The following TENM1 variants were observed in gnomAD, a reference collection of about 807,000 sequenced individuals.
TENM1 encodes teneurin-1.
A neutral mutation model predicts 174.8 loss-of-function variants in TENM1; 35 were observed. The observed-to-expected ratio is 0.20, with a 90% CI of 0.15 to 0.27. The LOEUF is 0.27. Among genes scored for constraint, TENM1 ranks in the 10% least tolerant of loss-of-function variants. TENM1 has a pLI of 1.00. For synonymous variants in TENM1, 781 were observed against 798.7 expected, an observed-to-expected ratio of 0.98 and a Z score of 0.37; for missense variants, 1,633 against 2,130.1, an observed-to-expected ratio of 0.77 and a Z score of 4.59.
chrX:124,559,808 T>C (rs1317765318), intron 14 of TENM1, among the ~76,000 whole-genome samples: 1 of 111,972 alleles, frequency 8.9e-6, no homozygotes, highest in East Asian at 2.8e-4. Flanking sequence ...AATATAACTA[T>C]GGGCAATGGG....
chrX:124,979,213 T>G, the TENM1 span, among the ~76,000 whole-genome samples: 2 of 112,699 alleles, frequency 1.8e-5, no homozygotes, highest in South Asian at 7.2e-4. Flanking sequence ...TTACCCACAG[T>G]CCAATAGTTT....
chrX:124,705,888 G>GT (rs1304371269), intron 4 of TENM1, among the ~76,000 whole-genome samples: 2 of 110,049 alleles, frequency 1.8e-5, no homozygotes, highest in Non-Finnish European at 3.8e-5. Context: ...TTTTGTTTCT[G>GT]TTTCTGTTTG....
chrX:124,906,136 C>T (rs1366465614), intron 1 of TENM1, among the ~76,000 whole-genome samples: 1 of 111,756 alleles, frequency 8.9e-6, no homozygotes, highest in Non-Finnish European at 1.9e-5. Flanking sequence ...CTTAAATGTG[C>T]TCAGAACACT....
intron 3 of TENM1, among the ~76,000 whole-genome samples, chrX:124,846,774 A>G (rs968441506): frequency 2.7e-5 from 3 of 111,432 alleles, no homozygotes; most frequent in Non-Finnish European, 3.8e-5. Flanking sequence ...CTTCTTCCCC[A>G]CTGCATGACT....
chrX:124,529,036 C>G (rs968917639), intron 16 of TENM1, among the ~76,000 whole-genome samples: 2 of 111,224 alleles, frequency 1.8e-5, no homozygotes, highest in Admixed American at 9.6e-5. Flanking sequence ...TGATAAAGCT[C>G]GAAGCCAACA....
At chrX:124,899,478 C>T (rs761426965) in intron 1 of TENM1, among the ~76,000 whole-genome samples, 2 of 111,703 alleles carry the variant, frequency 1.8e-5, no homozygotes, top group East Asian at 5.6e-4. Flanking sequence ...CAGGTGTGAG[C>T]CACCACACCT....
chrX:124,955,420 CT>C (rs1459312276), intron 1 of TENM1, among the ~76,000 whole-genome samples: 1 of 72 alleles, frequency 0.014, no homozygotes, highest in African/African-American at 0.053. Context: ...GTGTTACTGT[CT>C]ATTATTTGAC....
chrX:124,829,861 G>A (rs1333418581), intron 3 of TENM1, among the ~76,000 whole-genome samples: 2 of 111,868 alleles, frequency 1.8e-5, no homozygotes, highest in Admixed American at 9.5e-5. Flanking sequence ...CCCTATCTAC[G>A]TCTACCCCAT....
At chrX:124,947,412 G>A (rs932534258) in intron 1 of TENM1, among the ~76,000 whole-genome samples, 2 of 111,950 alleles carry the variant, frequency 1.8e-5, no homozygotes. Context: ...TTAGTGTCCA[G>A]TAGACATATG....
At chrX:125,191,080 G>T in the TENM1 span, among the ~76,000 whole-genome samples, 2 of 110,848 alleles carry the variant, frequency 1.8e-5, no homozygotes, top group Non-Finnish European at 3.8e-5. Flanking sequence ...GAACATTTGG[G>T]TTCCTTCATA....
chrX:124,778,724 T>G (rs1434464365), intron 3 of TENM1, among the ~76,000 whole-genome samples: 4 of 111,976 alleles, frequency 3.6e-5, no homozygotes, highest in African/African-American at 1.3e-4. Context: ...AATTTTACAT[T>G]TTAATTCGTA....
chrX:124,762,330 A>G (rs1405835954), intron 3 of TENM1, among the ~76,000 whole-genome samples: 1 of 112,579 alleles, frequency 8.9e-6, no homozygotes, highest in Admixed American at 9.4e-5. Context: ...TAGATAATGT[A>G]TTAACACTAA....
chrX:124,564,093 T>C (rs1263512205), intron 12 of TENM1, among the ~76,000 whole-genome samples: 1 of 112,272 alleles, frequency 8.9e-6, no homozygotes, highest in Non-Finnish European at 1.9e-5. Flanking sequence ...CAACTTCTTA[T>C]TAGTAATATC....
intron 3 of TENM1, among the ~76,000 whole-genome samples, chrX:124,755,349 T>C (rs1429781994): frequency 9.0e-6 from 1 of 111,365 alleles, no homozygotes; most frequent in Admixed American, 9.5e-5. Context: ...TGGTAGATCT[T>C]CCTCCATCCT....
the TENM1 span, among the ~76,000 whole-genome samples, chrX:125,103,756 C>T: frequency 8.9e-6 from 1 of 112,223 alleles, no homozygotes; most frequent in Non-Finnish European, 1.9e-5. Context: ...GAGGCTGAAG[C>T]GGACAGGTCA....
intron 6 of TENM1, among the ~76,000 whole-genome samples, chrX:124,660,224 A>T (rs999886187): frequency 2.7e-5 from 3 of 109,832 alleles, no homozygotes; most frequent in Non-Finnish European, 5.7e-5. Flanking sequence ...AAATAGAAAA[A>T]ATTAGCCAGG....
upstream of TENM1, among the ~76,000 whole-genome samples, chrX:124,964,122 G>A (rs956540750): frequency 8.9e-6 from 1 of 112,277 alleles, no homozygotes; most frequent in African/African-American, 3.2e-5. Flanking sequence ...TGGTGTGTGC[G>A]TGTTTTTAAT....
Position 124,722,254 on chromosome X carries a change from T to C in TENM1, c.776+14703A>G, listed in dbSNP as rs1458722490. On this transcript the variant is annotated intron_variant, in intron 4 of 31. Transcript: ENST00000422452. ...TGATAGTTTGAATTGGAAATAGTCA[T>C]GTTAGCATCTATGCTGTCAATGCAA... Among the ~76,000 whole-genome samples, 3 of 112,308 alleles carry C rather than the reference T, an allele frequency of 2.7e-5. No individual in the cohort carries two copies. The Admixed American group carries it at 2.8e-4, about 11-fold the overall frequency.
intron 8 of TENM1, among the ~76,000 whole-genome samples, chrX:124,649,390 G>C (rs909550405): frequency 3.6e-5 from 4 of 112,305 alleles, no homozygotes; most frequent in African/African-American, 1.3e-4. Flanking sequence ...AGACATACTG[G>C]TTCTCAAATT....
Sources: allele counts gnomAD v4.1 joint callset (sites outside exome capture counted in the v4.1 genomes callset), GRCh38; gene constraint gnomAD v4.1.1; transcripts MANE v1.5; gene names NCBI Gene and HGNC (gene_info 2026-07-23, HGNC 2026-07-21).